Variants in BRDT observed in about 807,000 individuals in gnomAD.
The protein encoded by BRDT is bromodomain testis associated.
A neutral mutation model predicts 113.9 loss-of-function variants in BRDT; 77 were observed. The observed-to-expected ratio is 0.68, with a 90% CI of 0.56 to 0.82. The LOEUF (loss-of-function observed/expected upper bound fraction) is 0.82. BRDT is among the 40% of genes least tolerant of loss of function. The probability of loss-of-function intolerance (pLI) is 0.00; values close to 1 mark genes in which losing one functional copy is unlikely to be tolerated. For synonymous variants in BRDT, 358 were observed against 366.5 expected (o/e 0.98, Z 0.26); for missense variants, 1,027 against 1,105.4 (o/e 0.93, Z 1.01).
intron 15 of BRDT, among the ~76,000 whole-genome samples, chr1:91,999,166 G>A (rs1399166464): frequency 6.6e-6 from 1 of 151,904 alleles, no homozygotes; most frequent in Non-Finnish European, 1.5e-5. Flanking sequence ...GAAGGGGAAA[G>A]TTAAAAGAAA....
chr1:92,007,185 T>G (rs556695899), intron 18 of BRDT, among the ~76,000 whole-genome samples: 17 of 152,294 alleles, frequency 1.1e-4, no homozygotes, highest in Admixed American at 7.9e-4. Flanking sequence ...GTTCCTGTCT[T>G]TCTTCTCTCT....
At chr1:91,970,328 C>G (rs949780317) in intron 4 of BRDT, among the ~76,000 whole-genome samples, 13 of 152,148 alleles carry the variant, frequency 8.5e-5, no homozygotes, top group African/African-American at 3.1e-4. Context: ...CAGTGGCACT[C>G]CACAATCAGT....
In BRDT at chr1:91,979,603, T is replaced by C. The variant is rs137957524; in HGVS notation, c.1133T>C (p.Ile378Thr). Residue 378 changes from isoleucine (I) to threonine (T), a missense_variant, in exon 8 of 19, where the codon ATT (isoleucine) becomes ACT (threonine). By Grantham distance (89) the Ile-to-Thr change is moderately conservative. Transcript: ENST00000399546. ...VFETHFSKIP[I>T]EPVESMPLCY... is the part of the protein sequence containing the mutation. Reference sequence around the variant, plus strand: ...GAAACGCATTTTTCAAAGATCCCGATTGAACCTGTTGAGAGTATGCCTTTA... The same window carrying C: ...GAAACGCATTTTTCAAAGATCCCGACTGAACCTGTTGAGAGTATGCCTTTA... The C allele has an allele frequency of 3.9e-5, 63 of 1,610,918 alleles. No individual in the cohort carries two copies. The highest frequency in any genetic ancestry group is 5.6e-5 in the South Asian group (5 of 89,938).
intron 7 of BRDT, among the ~76,000 whole-genome samples, chr1:91,979,342 C>G (rs1011980517): frequency 2.6e-5 from 4 of 151,936 alleles, no homozygotes; most frequent in Admixed American, 6.6e-5. Context: ...TGATCTCCCC[C>G]ATCTCCGGTG....
At chr1:91,986,556 A>G (rs1430972026) in intron 12 of BRDT, among the ~76,000 whole-genome samples, 1 of 152,204 alleles carries the variant, frequency 6.6e-6, no homozygotes, top group African/African-American at 2.4e-5. Flanking sequence ...TGAATTTGTC[A>G]CTTCATCCTT....
At chr1:91,968,330 A>C in intron 4 of BRDT, 70 bp downstream of exon 4, 1 of 1,550,852 alleles carries the variant, frequency 6.4e-7, no homozygotes, top group African/African-American at 1.4e-5. Flanking sequence ...GTGTGTGTGT[A>C]AATCCCTCAA....
intron 1 of BRDT, among the ~76,000 whole-genome samples, chr1:91,961,720 A>G (rs1682467411): frequency 6.6e-6 from 1 of 152,194 alleles, no homozygotes; most frequent in African/African-American, 2.4e-5. Context: ...TTGAATTAAC[A>G]ATTGTAGAAT....
intron 3 of BRDT, among the ~76,000 whole-genome samples, chr1:91,966,931 C>T (rs971331807): frequency 5.3e-5 from 8 of 151,868 alleles, no homozygotes; most frequent in East Asian, 1.9e-4. Context: ...TAGCCAGACG[C>T]GGTGGCAGGC....
At chr1:91,951,036 A>AG (rs974823220) in intron 1 of BRDT, among the ~76,000 whole-genome samples, 13 of 94,292 alleles carry the variant, frequency 1.4e-4, no homozygotes, top group African/African-American at 3.8e-4. Flanking sequence ...AAAAAAAAAA[A>AG]AAGAGATGGT....
chr1:91,973,490 T>C (rs1166053958), intron 4 of BRDT, among the ~76,000 whole-genome samples: 1 of 152,170 alleles, frequency 6.6e-6, no homozygotes, highest in East Asian at 1.9e-4. Flanking sequence ...CTTGAAGAGG[T>C]CCTTCACATC....
chr1:91,957,683 T>G (rs962325608), intron 1 of BRDT: 1 of 152,078 alleles, frequency 6.6e-6, no homozygotes, highest in Admixed American at 6.6e-5. Context: ...TGGTGTACAT[T>G]CCATGAGTTT....
At chr1:91,968,343 G>A in intron 4 of BRDT, 83 bp downstream of exon 4, 1 of 1,510,640 alleles carries the variant, frequency 6.6e-7, no homozygotes, top group Non-Finnish European at 8.9e-7. Context: ...TCCCTCAAAG[G>A]AGACAGACAT....
intron 12 of BRDT, among the ~76,000 whole-genome samples, chr1:91,988,816 A>G (rs1685507606): frequency 1.3e-5 from 2 of 152,258 alleles, no homozygotes; most frequent in Admixed American, 1.3e-4. Flanking sequence ...TTCAAAGGCC[A>G]GGAACTCATG....
chr1:91,977,697 G>A (rs1420497224), intron 6 of BRDT, among the ~76,000 whole-genome samples: 7 of 140,228 alleles, frequency 5.0e-5, no homozygotes, highest in South Asian at 4.6e-4. Flanking sequence ...GCGAAACTTC[G>A]TCTCTACTAA....
rs1308374007 is a variant in BRDT, at chr1:91,968,161, G to C, written c.346G>C (p.Val116Leu). Residue 116 changes from valine to leucine, a missense_variant, in exon 4 of 19, where the codon GTT becomes CTT. Physicochemically the swap from Val to Leu is conservative, Grantham distance 32. Transcript: ENST00000399546. ...YLYNKPGDDI[V>L]LMAQALEKLF... ...TATTTTGTAGCCTGGAGATGACATTGTTCTTATGGCACAAGCTCTAGAGAA... is the reference window on the plus strand; with the variant it reads ...TATTTTGTAGCCTGGAGATGACATTCTTCTTATGGCACAAGCTCTAGAGAA... The C allele has an allele frequency of 6.2e-7, 1 of 1,613,906 alleles. No homozygotes were observed. Among genetic ancestry groups the C allele is most frequent in the East Asian group, 2.2e-5 (1 of 44,862 alleles).
intron 12 of BRDT, among the ~76,000 whole-genome samples, chr1:91,983,920 A>G (rs935930624): frequency 6.6e-6 from 1 of 151,930 alleles, no homozygotes; most frequent in Non-Finnish European, 1.5e-5. Flanking sequence ...GACCTCAAGT[A>G]ATTCTCCCTC....
At chr1:91,993,266 A>G (rs1034679177) in intron 14 of BRDT, among the ~76,000 whole-genome samples, 2 of 152,176 alleles carry the variant, frequency 1.3e-5, no homozygotes, top group African/African-American at 2.4e-5. Flanking sequence ...ACTCACCCCA[A>G]TGCCTTGTTA....
rs201687728 is a variant in BRDT at position 91,979,636 on chromosome 1, T to C, written c.1166T>C (p.Ile389Thr). 24 of 1,614,040 alleles carry C rather than the reference T, an allele frequency of 1.5e-5. No individual in the cohort carries two copies. The African/African-American group carries it at 3.1e-4, about 21-fold the overall frequency. Residue 389 changes from isoleucine to threonine, a missense_variant, in exon 8 of 19, where the codon ATC becomes ACC. Ile to Thr is a moderately conservative substitution (Grantham distance 89). Coordinates refer to ENST00000399546, the MANE Select transcript of BRDT (RefSeq NM_207189.4). ...GTTGAGAGTATGCCTTTATGTTACA[T>C]CAAAACAGATATCACAGAAACCACT... ...EPVESMPLCY[I>T]KTDITETTGR...
chr1:91,997,445 G>A (rs1328592), intron 15 of BRDT, among the ~76,000 whole-genome samples: 106,958 of 151,998 alleles, frequency 0.7, 38,906 homozygotes, highest in Middle Eastern at 0.8. Context: ...TTGAACATTT[G>A]AAGGCTCATT....
Sources: allele counts gnomAD v4.1 joint callset (sites outside exome capture counted in the v4.1 genomes callset), GRCh38; gene constraint gnomAD v4.1.1; transcripts MANE v1.5; gene names NCBI Gene and HGNC (gene_info 2026-07-23, HGNC 2026-07-21).